TCF4: variants seen among roughly 807,000 people sequenced by gnomAD.
TCF4 encodes SL3-3 enhancer factor 2.
In TCF4, 3 loss-of-function variants were observed where a neutral mutation model predicts 82.1. The ratio of observed to expected loss-of-function variants is 0.04; its 90% CI spans 0.02 to 0.09. The LOEUF is 0.09. Ranked by LOEUF, TCF4 falls within the 10% of genes least tolerant of loss-of-function variation. The probability of loss-of-function intolerance (pLI) is 1.00; values close to 1 mark genes in which losing one functional copy is unlikely to be tolerated. For missense variants in TCF4, 518 were observed against 852.7 expected, an observed-to-expected ratio of 0.61 and a Z score of 4.89; for synonymous variants, 276 against 309.6, an observed-to-expected ratio of 0.89 and a Z score of 1.14.
intron 5 of TCF4, among the ~76,000 whole-genome samples, chr18:55,457,803 T>C (rs2095795111): frequency 1.3e-5 from 2 of 152,216 alleles, no homozygotes; most frequent in African/African-American, 4.8e-5. Context: ...AATAGAAGTA[T>C]TATGTTTAAA....
chr18:55,418,276 G>A (rs11873788), intron 5 of TCF4, among the ~76,000 whole-genome samples: 7 of 151,830 alleles, frequency 4.6e-5, no homozygotes, highest in East Asian at 1.9e-4. Flanking sequence ...ATAACATTGC[G>A]TCAATGAGCC....
chr18:55,512,990 A>G (rs561001721), intron 3 of TCF4, among the ~76,000 whole-genome samples: 1 of 152,270 alleles, frequency 6.6e-6, no homozygotes, highest in African/African-American at 2.4e-5. Flanking sequence ...CCAGTGAATA[A>G]CTGGTAACAA....
In TCF4 at chr18:55,461,119, TAAATA is replaced by T; in HGVS notation, c.208-9_208-5del. The T allele has an allele frequency of 6.2e-7, 1 of 1,608,136 alleles. No homozygotes were observed. ...AGGGAGTCCCATCTCCATAGTTCTG[TAAATA>T]AAATGACAGTGTAAGTTATTATTTT... On this transcript the variant is annotated splice_polypyrimidine_tract_variant and splice_region_variant and intron_variant, in intron 4 of 19. Transcript: ENST00000354452.
chr18:55,273,168 A>C (rs536094891), intron 10 of TCF4, among the ~76,000 whole-genome samples: 4 of 152,286 alleles, frequency 2.6e-5, no homozygotes, highest in African/African-American at 9.6e-5. Flanking sequence ...TAAAACTGTA[A>C]AGGGGATTTA....
chr18:55,540,732 G>C (rs577476252), intron 3 of TCF4, among the ~76,000 whole-genome samples: 1 of 152,058 alleles, frequency 6.6e-6, no homozygotes, highest in East Asian at 1.9e-4. Flanking sequence ...AATTGAGAAA[G>C]CAAAGGGCAT....
chr18:55,262,417 A>G (rs1451482935), intron 11 of TCF4, among the ~76,000 whole-genome samples: 1 of 152,206 alleles, frequency 6.6e-6, no homozygotes, highest in Non-Finnish European at 1.5e-5. Flanking sequence ...CACTTGGGGT[A>G]TGTTGTATTT....
chr18:55,589,614 A>C (rs1469156088), upstream of TCF4: 1 of 1,044,998 alleles, frequency 9.6e-7, no homozygotes, highest in Non-Finnish European at 1.2e-6. Flanking sequence ...TTCCTCAAAC[A>C]ATTCTTGTTG....
At chr18:55,530,561 A>AGGGG (rs11412432) in intron 3 of TCF4, among the ~76,000 whole-genome samples, 3 of 106,420 alleles carry the variant, frequency 2.8e-5, no homozygotes, top group African/African-American at 1.1e-4. Context: ...GGCCCTGAAA[A>AGGGG]GGGGGGGGGA....
At chr18:55,350,463 A>C in intron 7 of TCF4, 55 bp from the exon 8 acceptor site, 1 of 1,590,402 alleles carries the variant, frequency 6.3e-7, no homozygotes, top group South Asian at 1.1e-5. Context: ...CCTAACTAAG[A>C]TAGGTTAAAC....
At chr18:55,487,324 C>T (rs978715842) in intron 3 of TCF4, among the ~76,000 whole-genome samples, 2 of 152,198 alleles carry the variant, frequency 1.3e-5, no homozygotes, top group African/African-American at 4.8e-5. Flanking sequence ...CAATTACATA[C>T]ATACATATAT....
intron 6 of TCF4, among the ~76,000 whole-genome samples, chr18:55,386,001 A>T (rs1307319647): frequency 1.3e-5 from 2 of 152,118 alleles, no homozygotes; most frequent in Non-Finnish European, 2.9e-5. Flanking sequence ...ATTCAATCTC[A>T]ATCTGCATTC....
intron 5 of TCF4, among the ~76,000 whole-genome samples, chr18:55,416,101 C>T (rs906119345): frequency 3.9e-5 from 6 of 152,180 alleles, no homozygotes; most frequent in Admixed American, 2.0e-4. Context: ...GTAGGTTATA[C>T]CAGAAGAGTA....
At chr18:55,321,175 C>G (rs1196729897) in intron 8 of TCF4, 1 of 164,330 alleles carries the variant, frequency 6.1e-6, no homozygotes, top group African/African-American at 2.4e-5. Context: ...CAGGTTCTCT[C>G]CACTCTATCC....
chr18:55,506,420 C>T (rs2146178587), intron 3 of TCF4, among the ~76,000 whole-genome samples: 1 of 152,292 alleles, frequency 6.6e-6, no homozygotes, highest in East Asian at 1.9e-4. Flanking sequence ...TTTATACACA[C>T]ACATATATTC....
chr18:55,456,943 T>C (rs1398526579), intron 5 of TCF4, among the ~76,000 whole-genome samples: 1 of 152,214 alleles, frequency 6.6e-6, no homozygotes. Context: ...TTAATAATGA[T>C]AGGCAGTCAC....
chr18:55,457,236 A>T (rs2144642934), intron 5 of TCF4, among the ~76,000 whole-genome samples: 1 of 152,344 alleles, frequency 6.6e-6, no homozygotes, highest in South Asian at 2.1e-4. Context: ...AAACACTTAC[A>T]AGTATCAACC....
chr18:55,534,920 A>G (rs1253847150), intron 3 of TCF4, among the ~76,000 whole-genome samples: 1 of 152,246 alleles, frequency 6.6e-6, no homozygotes, highest in African/African-American at 2.4e-5. Flanking sequence ...AAAAACTAAC[A>G]GTGAGCACCT....
At chr18:55,268,809 A>G (rs1028694978) in intron 11 of TCF4, 4 of 152,178 alleles carry the variant, frequency 2.6e-5, no homozygotes, top group African/African-American at 7.2e-5. Flanking sequence ...CTGTTGCGCC[A>G]TCTTCTCTCA....
At chr18:55,483,191 C>A (rs572475847) in intron 3 of TCF4, among the ~76,000 whole-genome samples, 16 of 152,240 alleles carry the variant, frequency 1.1e-4, no homozygotes, top group African/African-American at 3.9e-4. Flanking sequence ...ATCCAAAATG[C>A]CAGCTGAATT....
Sources: allele counts gnomAD v4.1 joint callset (sites outside exome capture counted in the v4.1 genomes callset), GRCh38; gene constraint gnomAD v4.1.1; transcripts MANE v1.5; gene names NCBI Gene and HGNC (gene_info 2026-07-23, HGNC 2026-07-21).